Variants in ZMYM4 observed in about 807,000 individuals in gnomAD.
ZMYM4 encodes the protein zinc finger MYM-type protein 4.
A neutral mutation model predicts 183.2 loss-of-function variants in ZMYM4; 31 were observed. That is an observed-to-expected ratio of 0.17 (90% CI 0.13 to 0.23). ZMYM4 has a LOEUF of 0.23. ZMYM4 is among the 10% of genes least tolerant of loss of function. The pLI, the probability that ZMYM4 is intolerant of heterozygous loss-of-function variation, is 1.00. For synonymous variants in ZMYM4, 592 were observed against 631.2 expected, an observed-to-expected ratio of 0.94 and a Z score of 0.93; for missense variants, 1,273 against 1,840.3, an observed-to-expected ratio of 0.69 and a Z score of 5.64.
In ZMYM4 at chr1:35,304,907, G is replaced by A. The variant is rs148196644; in HGVS notation, c.40-20453G>A. Reference sequence around the variant, plus strand: ...TGTCCCCAGGCTGGAGTGCTGTGGCGCAATCTCAGCTCACTGCAACTTCTG... The same window carrying A: ...TGTCCCCAGGCTGGAGTGCTGTGGCACAATCTCAGCTCACTGCAACTTCTG... On this transcript the variant is annotated intron_variant, in intron 1 of 29. Transcript: ENST00000314607. Among the ~76,000 whole-genome samples the A allele has an allele frequency of 3.5e-3, 526 of 151,910 alleles. 1 individual carries two copies. The highest frequency in any genetic ancestry group is 4.8e-3 in the Non-Finnish European group (328 of 67,940).
intron 1 of ZMYM4, among the ~76,000 whole-genome samples, chr1:35,316,182 C>T (rs1642037968): frequency 6.6e-6 from 1 of 152,064 alleles, no homozygotes; most frequent in African/African-American, 2.4e-5. Flanking sequence ...TTGAAGAAAT[C>T]GAGTCCCAGA....
intron 1 of ZMYM4, among the ~76,000 whole-genome samples, chr1:35,274,279 C>G (rs1424453747): frequency 6.6e-6 from 1 of 152,046 alleles, no homozygotes; most frequent in Non-Finnish European, 1.5e-5. Context: ...ACACTGCTTC[C>G]CATCTTGTAA....
At chr1:35,369,864 T>C (rs1644166226) in intron 5 of ZMYM4, among the ~76,000 whole-genome samples, 165 bp from the exon 6 acceptor site, 1 of 152,126 alleles carries the variant, frequency 6.6e-6, no homozygotes, top group African/African-American at 2.4e-5. Context: ...ATTTTACCTA[T>C]ATTTAATTAT....
chr1:35,275,475 C>T (rs1356905041), intron 1 of ZMYM4, among the ~76,000 whole-genome samples: 1 of 152,146 alleles, frequency 6.6e-6, no homozygotes, highest in African/African-American at 2.4e-5. Context: ...GATCTGCCCG[C>T]CTCAGCCTCC....
At chr1:35,287,896 T>C (rs1285727227) in intron 1 of ZMYM4, among the ~76,000 whole-genome samples, 1 of 152,038 alleles carries the variant, frequency 6.6e-6, no homozygotes, top group Non-Finnish European at 1.5e-5. Flanking sequence ...GAGCCCCCAC[T>C]CCCGGCCTAT....
rs565979525 is a variant in ZMYM4 at position 35,279,115 on chromosome 1, C to G, written c.39+10030C>G. 9.2e-5 allele frequency among the ~76,000 whole-genome samples: 14 copies of G among 152,292 alleles called. No individual in the cohort carries two copies. In the East Asian group the frequency reaches 2.7e-3, roughly 29 times the overall value. On this transcript the variant is annotated intron_variant, in intron 1 of 29. Coordinates refer to ENST00000314607, the MANE Select transcript of ZMYM4 (RefSeq NM_005095.3). ...CTGCAGCTGGTGTGGGCCTGTTTCT[C>G]CCCTACCCCCAACCCCCACTATGCT...
chr1:35,376,481 T>C (rs539006407), intron 7 of ZMYM4, among the ~76,000 whole-genome samples: 3 of 152,248 alleles, frequency 2.0e-5, no homozygotes, highest in Non-Finnish European at 4.4e-5. Context: ...TTTCTTCATT[T>C]ATATTTTTAT....
chr1:35,353,305 A>G (rs1391435818), intron 2 of ZMYM4, among the ~76,000 whole-genome samples: 1 of 152,206 alleles, frequency 6.6e-6, no homozygotes, highest in African/African-American at 2.4e-5. Flanking sequence ...TCTGCTCCGT[A>G]TAACATTGAA....
intron 19 of ZMYM4, chr1:35,397,174 T>A (rs1644823974): frequency 2.8e-6 from 3 of 1,088,784 alleles, no homozygotes; most frequent in Non-Finnish European, 3.4e-6. Flanking sequence ...ACATAATTGG[T>A]TGAGTGTCCA....
At chr1:35,325,486 A>G (rs1642466478) in intron 2 of ZMYM4, 81 bp downstream of exon 2, 11 of 1,406,462 alleles carry the variant, frequency 7.8e-6, no homozygotes, top group Non-Finnish European at 1.1e-5. Context: ...TAACTATTAC[A>G]GTGTTTAGTT....
chr1:35,392,943 A>G (rs575760103), intron 17 of ZMYM4, among the ~76,000 whole-genome samples: 2 of 152,292 alleles, frequency 1.3e-5, no homozygotes, highest in East Asian at 3.9e-4. Context: ...ATTGTACAGG[A>G]TTTAGGCCTG....
chr1:35,286,921 C>G (rs1028182808), intron 1 of ZMYM4, among the ~76,000 whole-genome samples: 3 of 150,472 alleles, frequency 2.0e-5, no homozygotes, highest in Admixed American at 6.7e-5. Flanking sequence ...CCTGCCTGGC[C>G]CTAGCTTATC....
chr1:35,408,174 A>T lies in ZMYM4; in HGVS notation c.3948+15A>T. On this transcript the variant is annotated intron_variant, in intron 26 of 29. Coordinates refer to ENST00000314607, the MANE Select transcript of ZMYM4 (RefSeq NM_005095.3). The stretch of plus-strand genomic sequence containing the variant: ...GAATTCAACAGGTATCAAGTTAAAC[A>T]TATGGATTCTTCAACCTAGCAAATC... 1.2e-6 allele frequency: 2 copies of T among 1,613,814 alleles called. No individual in the cohort carries two copies. Among genetic ancestry groups the T allele is most frequent in the Non-Finnish European group, 1.7e-6 (2 of 1,179,738 alleles).
At chr1:35,391,882 A>G (rs1411994815) in intron 15 of ZMYM4, among the ~76,000 whole-genome samples, 1 of 151,232 alleles carries the variant, frequency 6.6e-6, no homozygotes, top group Admixed American at 6.6e-5. Context: ...CTCTACTAAA[A>G]TACAAAAAAT....
chr1:35,330,421 G>A (rs1194980865), intron 2 of ZMYM4, among the ~76,000 whole-genome samples: 1 of 152,116 alleles, frequency 6.6e-6, no homozygotes, highest in Non-Finnish European at 1.5e-5. Flanking sequence ...GTTCTAGGAT[G>A]GCTGCTGTAT....
intron 1 of ZMYM4, among the ~76,000 whole-genome samples, chr1:35,273,211 T>C (rs1164515598): frequency 6.6e-6 from 1 of 152,140 alleles, no homozygotes; most frequent in East Asian, 1.9e-4. Context: ...ATCTCTAGTA[T>C]AGAGAGAATT....
chr1:35,393,661 G>T lies in ZMYM4; in HGVS notation c.2833G>T (p.Ala945Ser), dbSNP rs1243448637. 2 of 1,612,660 alleles carry T rather than the reference G, an allele frequency of 1.2e-6. No individual in the cohort carries two copies. The highest frequency in any genetic ancestry group is 1.7e-6 in the Non-Finnish European group (2 of 1,179,200). Residue 945 changes from alanine (A) to serine (S), a missense_variant, in exon 18 of 30, where the codon GCT (alanine) becomes TCT (serine). Around this residue, in one of 6 missense-constraint regions of ZMYM4, gnomAD observed 290 missense variants for 353.3 expected, o/e 0.82. Transcript: ENST00000314607. ...SQPPRLLKNK[A>S]LLCKPITQTK... Reference sequence around the variant, plus strand: ...ACCTCCAAGGCTTTTGAAGAACAAAGCTTTATTATGCAAACCCATCACACA... The same window carrying T: ...ACCTCCAAGGCTTTTGAAGAACAAATCTTTATTATGCAAACCCATCACACA...
At chr1:35,308,619 G>A (rs1399439836) in intron 1 of ZMYM4, among the ~76,000 whole-genome samples, 2 of 152,098 alleles carry the variant, frequency 1.3e-5, no homozygotes, top group African/African-American at 2.4e-5. Flanking sequence ...CAGCTCTTTC[G>A]GAGGCCAAGA....
chr1:35,371,139 G>A lies in ZMYM4; in HGVS notation c.1181+512G>A, dbSNP rs557927012. 8.4e-5 allele frequency among the ~76,000 whole-genome samples: 12 copies of A among 142,400 alleles called. No individual in the cohort carries two copies. The East Asian group carries it at 1.6e-3, about 19-fold the overall frequency. The allele number at this position is 142,400 out of a possible 152,430, so 93.4% of individuals were successfully genotyped here. ...TTTATTTATTTATTTATTTTGAGAC[G>A]GAGTCTCGCTCTGTTGCCCAGGCTG... On this transcript the variant is annotated intron_variant, in intron 7 of 29. Transcript: ENST00000314607.
Sources: allele counts gnomAD v4.1 joint callset (sites outside exome capture counted in the v4.1 genomes callset), GRCh38; gene constraint gnomAD v4.1.1; regional missense constraint gnomAD v4.1.1; transcripts MANE v1.5; gene names NCBI Gene and HGNC (gene_info 2026-07-23, HGNC 2026-07-21).